Variants in REEP1 observed in about 807,000 individuals in gnomAD.
The protein encoded by REEP1 is receptor accessory protein 1, also known as receptor expression-enhancing protein 1.
In REEP1, 22 loss-of-function variants were observed where a neutral mutation model predicts 40.3. That is an observed-to-expected ratio of 0.55 (90% CI 0.39 to 0.78). The LOEUF is 0.78. Ranked by LOEUF, REEP1 falls within the 30% of genes least tolerant of loss-of-function variation. The pLI is 0.00. For missense variants in REEP1, 280 were observed against 361.1 expected (o/e 0.78, Z 1.82); for synonymous variants, 116 against 139.2 (o/e 0.83, Z 1.17).
chr2:86,229,568 C>T (rs1404630075), intron 6 of REEP1, among the ~76,000 whole-genome samples: 1 of 151,180 alleles, frequency 6.6e-6, no homozygotes, highest in Non-Finnish European at 1.5e-5. Context: ...GCCCCATATC[C>T]ACGCCCCAGG....
intron 1 of REEP1, among the ~76,000 whole-genome samples, chr2:86,303,212 G>GTTTTT (rs35002382): frequency 4.3e-5 from 3 of 69,006 alleles, no homozygotes; most frequent in African/African-American, 1.1e-4. Flanking sequence ...CCGGCTAATT[G>GTTTTT]TTTTTTTTTT....
At chr2:86,275,716 C>T (rs1052641221) in intron 2 of REEP1, among the ~76,000 whole-genome samples, 2 of 152,242 alleles carry the variant, frequency 1.3e-5, no homozygotes, top group African/African-American at 4.8e-5. Flanking sequence ...TGGCCTGGTG[C>T]TTCCCCATGT....
chr2:86,271,736 G>C (rs937971908), intron 2 of REEP1, among the ~76,000 whole-genome samples: 1 of 152,170 alleles, frequency 6.6e-6, no homozygotes, highest in Admixed American at 6.5e-5. Context: ...CCTTAGCAGG[G>C]GGCAAATGAG....
At chr2:86,272,566 C>T (rs780766809) in intron 2 of REEP1, among the ~76,000 whole-genome samples, 16 of 152,206 alleles carry the variant, frequency 1.1e-4, no homozygotes, top group Non-Finnish European at 1.6e-4. Context: ...GAGCTCTGTT[C>T]TAGACATCTG....
At chr2:86,269,259 AG>A (rs1190707617) in intron 2 of REEP1, among the ~76,000 whole-genome samples, 1 of 152,180 alleles carries the variant, frequency 6.6e-6, no homozygotes, top group Non-Finnish European at 1.5e-5. Context: ...GCCCAATTCT[AG>A]GCTCATAATA....
intron 4 of REEP1, among the ~76,000 whole-genome samples, chr2:86,253,143 T>C (rs1676374746): frequency 6.6e-6 from 1 of 152,104 alleles, no homozygotes; most frequent in African/African-American, 2.4e-5. Flanking sequence ...GAGTCAGGCA[T>C]GGTGGCACGT....
rs151014101 is a variant in REEP1 at position 86,280,270 on chromosome 2, C to T, written c.105+1900G>A. Among the ~76,000 whole-genome samples the T allele has an allele frequency of 2.9e-3, 449 of 152,348 alleles. 6 individuals carry two copies. The highest frequency in any genetic ancestry group is 0.01 in the African/African-American group (431 of 41,580). On this transcript the variant is annotated intron_variant, in intron 2 of 8. Coordinates refer to ENST00000538924, the MANE Select transcript of REEP1 (RefSeq NM_001371279.1). ...AAGAAACCTAATCTAAACTCTTGCA[C>T]GTTCCCTACTGGGAAAAGCATGTGC... is the stretch of plus-strand genomic sequence containing the variant.
At chr2:86,285,992 A>G (rs1678369564) in intron 1 of REEP1, among the ~76,000 whole-genome samples, 1 of 152,180 alleles carries the variant, frequency 6.6e-6, no homozygotes, top group South Asian at 2.1e-4. Context: ...TTATCTCTGA[A>G]CGGAGCTTGC....
chr2:86,326,636 C>T (rs1461480109), intron 1 of REEP1, among the ~76,000 whole-genome samples: 3 of 151,982 alleles, frequency 2.0e-5, no homozygotes, highest in Admixed American at 6.6e-5. Flanking sequence ...CGCCTGAACC[C>T]GGGAGGCGGA....
chr2:86,237,615 C>T (rs13428234), intron 5 of REEP1, among the ~76,000 whole-genome samples: 12,742 of 152,140 alleles, frequency 0.084, 1,803 homozygotes, highest in African/African-American at 0.29. Context: ...CTCTGCCTCC[C>T]AGGTTCAAAA....
intron 2 of REEP1, among the ~76,000 whole-genome samples, chr2:86,270,127 A>ATACT (rs1423103307): frequency 6.6e-6 from 1 of 152,224 alleles, no homozygotes; most frequent in Non-Finnish European, 1.5e-5. Context: ...ACATAACAAG[A>ATACT]TACTTATCCT....
intron 1 of REEP1, among the ~76,000 whole-genome samples, chr2:86,335,455 G>T (rs1330544630): frequency 1.3e-5 from 2 of 151,992 alleles, no homozygotes; most frequent in Admixed American, 6.6e-5. Context: ...CTGAAGTCTC[G>T]GTTCTAGGGA....
intron 1 of REEP1, among the ~76,000 whole-genome samples, chr2:86,304,031 G>A (rs1275802180): frequency 6.6e-6 from 1 of 152,164 alleles, no homozygotes; most frequent in Non-Finnish European, 1.5e-5. Context: ...TGGTAGATAT[G>A]TAGTAAATAG....
At chr2:86,263,890 G>T in intron 3 of REEP1, 75 bp downstream of exon 3, 1 of 1,099,994 alleles carries the variant, frequency 9.1e-7, no homozygotes, top group Non-Finnish European at 1.4e-6. Flanking sequence ...GCTGGGTTCA[G>T]CCCTTTCCCA....
At chr2:86,297,678 G>A (rs749145173) in intron 1 of REEP1, 1 of 984,360 alleles carries the variant, frequency 1.0e-6, no homozygotes, top group South Asian at 4.7e-5. Context: ...CTTTTCCAAG[G>A]TGGATGTTTT....
intron 5 of REEP1, among the ~76,000 whole-genome samples, chr2:86,235,402 T>A (rs1391347955): frequency 6.6e-6 from 1 of 152,186 alleles, no homozygotes; most frequent in African/African-American, 2.4e-5. Flanking sequence ...TGAGATTACA[T>A]CCTTAAGATA....
chr2:86,331,961 G>C, intron 1 of REEP1, among the ~76,000 whole-genome samples: 1 of 152,160 alleles, frequency 6.6e-6, no homozygotes, highest in South Asian at 2.1e-4. Context: ...GGGTACCCAC[G>C]CATGCTTGAA....
chr2:86,321,616 C>T (rs1035501272), intron 1 of REEP1, among the ~76,000 whole-genome samples: 1 of 152,084 alleles, frequency 6.6e-6, no homozygotes, highest in African/African-American at 2.4e-5. Context: ...ACTTCATGAC[C>T]AAATTGGGTT....
intron 1 of REEP1, among the ~76,000 whole-genome samples, chr2:86,315,300 G>A (rs529005354): frequency 2.0e-5 from 3 of 152,270 alleles, no homozygotes; most frequent in East Asian, 3.9e-4. Flanking sequence ...CATCCAGTCC[G>A]GGGCCAGATA....
Sources: gnomAD v4.1 joint callset for allele counts (sites outside exome capture counted in the v4.1 genomes callset) on GRCh38, gnomAD v4.1.1 for gene constraint, MANE v1.5 for transcripts, NCBI Gene and HGNC (gene_info 2026-07-23, HGNC 2026-07-21) for gene names.